Variants in SETBP1 observed in about 807,000 individuals in gnomAD.
The protein encoded by SETBP1 is SET binding protein 1.
In SETBP1, 9 loss-of-function variants were observed where a neutral mutation model predicts 101.0. The ratio of observed to expected loss-of-function variants is 0.09; its 90% CI spans 0.05 to 0.16. SETBP1 has a LOEUF of 0.16. Among genes scored for constraint, SETBP1 ranks in the 10% least tolerant of loss-of-function variants. The pLI is 1.00. For missense variants in SETBP1, 1,858 were observed against 2,033.8 expected (o/e 0.91, Z 1.66); for synonymous variants, 818 against 788.5 (o/e 1.04, Z -0.63).
In SETBP1 at chr18:44,701,698, A is replaced by G. The variant is rs752703934; in HGVS notation, c.352A>G (p.Lys118Glu). The change falls in exon 2 of 6, where the codon AAG (lysine) becomes GAG (glutamate). Residue 118 changes from lysine (K) to glutamate (E), a missense_variant. Transcript: ENST00000649279. ...QTTKRAKKPPKNLENYICPPE... is the reference protein window; with the variant it reads ...QTTKRAKKPPENLENYICPPE... ...CACAAAGCGGGCTAAGAAACCCCCAAAGAATTTGGAGAACTATATATGTCC... is the reference window on the plus strand; with the variant it reads ...CACAAAGCGGGCTAAGAAACCCCCAGAGAATTTGGAGAACTATATATGTCC... The G allele has an allele frequency of 1.2e-6, 2 of 1,614,174 alleles. No homozygotes were observed. The highest frequency in any genetic ancestry group is 2.2e-5 in the East Asian group (1 of 44,882).
chr18:45,035,271 A>G (rs1013774907), intron 4 of SETBP1, among the ~76,000 whole-genome samples: 3 of 152,238 alleles, frequency 2.0e-5, no homozygotes, highest in African/African-American at 7.2e-5. Context: ...ATGGCTGAGA[A>G]AAATGTCTGG....
chr18:45,060,730 T>C (rs2073877567), intron 5 of SETBP1, among the ~76,000 whole-genome samples: 1 of 152,226 alleles, frequency 6.6e-6, no homozygotes, highest in South Asian at 2.1e-4. Flanking sequence ...TTATCTGCTA[T>C]CTGCTAGGTT....
chr18:45,001,852 A>G (rs1057388791), intron 4 of SETBP1, among the ~76,000 whole-genome samples: 6 of 152,174 alleles, frequency 3.9e-5, no homozygotes, highest in Non-Finnish European at 2.9e-5. Context: ...ACTCATACTG[A>G]GACTAAAGGA....
intron 2 of SETBP1, among the ~76,000 whole-genome samples, chr18:44,740,959 C>T (rs1342182019): frequency 3.3e-5 from 5 of 152,062 alleles, no homozygotes; most frequent in Admixed American, 1.3e-4. Context: ...AATATGGAGG[C>T]CTGCTATATC....
At position 44,951,445 on chromosome 18, in the gene SETBP1, C is replaced by A. The variant is rs1351405076; in HGVS notation, c.2105C>A (p.Ala702Glu). ...AKAPPETSPGAAAIESKLGKQ... is the reference protein window; with the variant it reads ...AKAPPETSPGEAAIESKLGKQ... Reference sequence around the variant, plus strand: ...GCTCCCCCAGAGACCAGCCCTGGGGCAGCAGCCATTGAAAGCAAACTGGGC... The same window carrying A: ...GCTCCCCCAGAGACCAGCCCTGGGGAAGCAGCCATTGAAAGCAAACTGGGC... The change falls in exon 4 of 6, where the codon GCA (alanine) becomes GAA (glutamate). Residue 702 changes from alanine to glutamate, a missense_variant. Ala to Glu is a moderately radical substitution (Grantham distance 107). Around this residue, in one of 12 missense-constraint regions of SETBP1, gnomAD observed 111 missense variants for 119.3 expected, o/e 0.93. Transcript: ENST00000649279. The surrounding 1 kb of genome is among the most constrained non-coding windows in gnomAD (Gnocchi z 7.8). The A allele has an allele frequency of 6.2e-7, 1 of 1,614,088 alleles. No homozygotes were observed. Among genetic ancestry groups the A allele is most frequent in the Non-Finnish European group, 8.5e-7 (1 of 1,180,010 alleles).
chr18:44,820,423 C>A (rs73952925), intron 2 of SETBP1, among the ~76,000 whole-genome samples: 29 of 152,288 alleles, frequency 1.9e-4, no homozygotes, highest in African/African-American at 7.0e-4. Flanking sequence ...ACCTGCTGGT[C>A]CTCTATGTGG....
chr18:44,751,147 A>T (rs1231646511), intron 2 of SETBP1, among the ~76,000 whole-genome samples: 2 of 152,166 alleles, frequency 1.3e-5, no homozygotes, highest in Non-Finnish European at 2.9e-5. Flanking sequence ...TTTTTATGGA[A>T]TGTGTAGACA....
chr18:45,035,832 G>A (rs1461088789), intron 4 of SETBP1, among the ~76,000 whole-genome samples: 1 of 152,170 alleles, frequency 6.6e-6, no homozygotes, highest in Non-Finnish European at 1.5e-5. Flanking sequence ...CCATGGTGGT[G>A]CAGTGTACCA....
intron 2 of SETBP1, among the ~76,000 whole-genome samples, chr18:44,787,363 TA>T (rs1392465758): frequency 6.6e-6 from 1 of 152,214 alleles, no homozygotes; most frequent in Non-Finnish European, 1.5e-5. Flanking sequence ...AAAATGCTGC[TA>T]AGTTGAAGAT....
At chr18:45,051,918 G>A (rs1477995942) in intron 5 of SETBP1, among the ~76,000 whole-genome samples, 1 of 152,192 alleles carries the variant, frequency 6.6e-6, no homozygotes, top group Non-Finnish European at 1.5e-5. Context: ...AAATATGTGA[G>A]GACCTAATTT....
intron 3 of SETBP1, among the ~76,000 whole-genome samples, chr18:44,896,089 A>T (rs2144807027): frequency 6.6e-6 from 1 of 152,182 alleles, no homozygotes; most frequent in Middle Eastern, 3.4e-3. Flanking sequence ...GTAACATTTG[A>T]TCCTCTTAAC....
chr18:44,726,863 C>T (rs1368024113), intron 2 of SETBP1, among the ~76,000 whole-genome samples: 1 of 152,156 alleles, frequency 6.6e-6, no homozygotes, highest in Admixed American at 6.5e-5. Flanking sequence ...GTCAGTTGTG[C>T]ACACACTCTG....
At chr18:44,867,424 A>T (rs143332481) in intron 2 of SETBP1, among the ~76,000 whole-genome samples, 48 of 152,272 alleles carry the variant, frequency 3.2e-4, no homozygotes, top group African/African-American at 1.1e-3. Context: ...GCTCCATCTT[A>T]TTTCAACAAG....
Position 45,063,764 on chromosome 18 carries a change from G to A in SETBP1, c.*66G>A. 4.6e-6 allele frequency: 7 copies of A among 1,535,030 alleles called. No individual in the cohort carries two copies. Among genetic ancestry groups the A allele is most frequent in the Non-Finnish European group, 6.2e-6 (7 of 1,136,368 alleles). ...CACGTGGGAAGCGCAGTGAGCCGGGGCGGGGGCGGAATCCCCCGCTGCAGG... is the reference window on the plus strand; with the variant it reads ...CACGTGGGAAGCGCAGTGAGCCGGGACGGGGGCGGAATCCCCCGCTGCAGG... On this transcript the variant is annotated 3_prime_UTR_variant, in exon 6 of 6. Coordinates refer to ENST00000649279, the MANE Select transcript of SETBP1 (RefSeq NM_015559.3).
chr18:44,824,445 C>G (rs939622990), intron 2 of SETBP1, among the ~76,000 whole-genome samples: 1 of 152,136 alleles, frequency 6.6e-6, no homozygotes, highest in Non-Finnish European at 1.5e-5. Context: ...ATTCTATTCT[C>G]TCTGTGGTAA....
At chr18:44,934,773 A>G (rs943189525) in intron 3 of SETBP1, among the ~76,000 whole-genome samples, 1 of 152,068 alleles carries the variant, frequency 6.6e-6, no homozygotes, top group Non-Finnish European at 1.5e-5. Context: ...TAATATTTGG[A>G]CTCAGCTCAG....
chr18:44,728,070 CAA>C (rs2069755379), intron 2 of SETBP1, among the ~76,000 whole-genome samples: 1 of 152,188 alleles, frequency 6.6e-6, no homozygotes, highest in African/African-American at 2.4e-5. Context: ...GGAAGAAAAG[CAA>C]AGTCTTCTCT....
At chr18:44,926,717 A>C (rs2070712481) in intron 3 of SETBP1, among the ~76,000 whole-genome samples, 2 of 151,852 alleles carry the variant, frequency 1.3e-5, no homozygotes, top group Admixed American at 1.3e-4. Flanking sequence ...CAAGCTGTCT[A>C]ACCAGAAATG....
chr18:44,980,018 G>A (rs546572949), intron 4 of SETBP1, among the ~76,000 whole-genome samples: 1 of 152,340 alleles, frequency 6.6e-6, no homozygotes, highest in African/African-American at 2.4e-5. Flanking sequence ...TGCCCAGACT[G>A]TCTGAATGTC....
Sources: gnomAD v4.1 joint callset for allele counts (sites outside exome capture counted in the v4.1 genomes callset) on GRCh38, gnomAD v4.1.1 for gene constraint, gnomAD v4.1.1 regional missense constraint, Gnocchi (gnomAD v3.1) non-coding constraint, MANE v1.5 for transcripts, NCBI Gene and HGNC (gene_info 2026-07-23, HGNC 2026-07-21) for gene names.